SNTG1: variants seen among roughly 807,000 people sequenced by gnomAD.
SNTG1 encodes syntrophin gamma 1.
A neutral mutation model predicts 74.7 loss-of-function variants in SNTG1; 39 were observed. The ratio of observed to expected loss-of-function variants is 0.52; its 90% CI spans 0.40 to 0.68. The LOEUF is 0.68. Among genes scored for constraint, SNTG1 ranks in the 30% least tolerant of loss-of-function variants. The pLI, the probability that SNTG1 is intolerant of heterozygous loss-of-function variation, is 0.00. For synonymous variants in SNTG1, 254 were observed against 217.1 expected (o/e 1.17, Z -1.49); for missense variants, 685 against 609.5 (o/e 1.12, Z -1.30).
chr8:50,650,787 A>G (rs561034106), intron 13 of SNTG1, among the ~76,000 whole-genome samples: 87 of 152,106 alleles, frequency 5.7e-4, no homozygotes, highest in African/African-American at 2.0e-3. Flanking sequence ...TGCAACCTCC[A>G]CCTTCTGGGT....
chr8:50,222,126 A>ATT (rs1341341074), intron 2 of SNTG1, among the ~76,000 whole-genome samples: 1 of 152,182 alleles, frequency 6.6e-6, no homozygotes, highest in East Asian at 1.9e-4. Flanking sequence ...CAGAAAAGAC[A>ATT]TATCAAAAGG....
chr8:50,720,041 A>G (rs1420860918), intron 17 of SNTG1, among the ~76,000 whole-genome samples: 1 of 152,202 alleles, frequency 6.6e-6, no homozygotes, highest in Admixed American at 6.5e-5. Flanking sequence ...AATTTAGTTC[A>G]ATCTTTAATT....
intron 4 of SNTG1, among the ~76,000 whole-genome samples, chr8:50,426,819 C>A (rs527714304): frequency 1.3e-5 from 2 of 151,878 alleles, no homozygotes; most frequent in South Asian, 4.1e-4. Flanking sequence ...AAAAATACAA[C>A]AATAAGAAGT....
intron 1 of SNTG1, among the ~76,000 whole-genome samples, chr8:50,111,473 T>C (rs181838303): frequency 2.6e-5 from 4 of 152,222 alleles, no homozygotes; most frequent in African/African-American, 4.8e-5. Context: ...AAGAAAACCA[T>C]GTGAGGTCAC....
At chr8:49,992,527 T>A (rs1396455495) in intron 1 of SNTG1, among the ~76,000 whole-genome samples, 1 of 152,164 alleles carries the variant, frequency 6.6e-6, no homozygotes, top group East Asian at 1.9e-4. Context: ...TAACTAAACC[T>A]TGGTGGGTAT....
At chr8:50,033,706 C>A (rs527483241) in intron 1 of SNTG1, among the ~76,000 whole-genome samples, 4 of 152,028 alleles carry the variant, frequency 2.6e-5, no homozygotes, top group African/African-American at 9.7e-5. Context: ...CTAGTGTCAT[C>A]TTATTATTGT....
intron 1 of SNTG1, among the ~76,000 whole-genome samples, chr8:49,915,212 A>T (rs1437716447): frequency 3.3e-5 from 5 of 152,198 alleles, no homozygotes; most frequent in Non-Finnish European, 7.4e-5. Context: ...CATACAGCTG[A>T]TACCTGAACA....
intron 13 of SNTG1, among the ~76,000 whole-genome samples, chr8:50,652,561 C>G (rs2131243846): frequency 6.6e-6 from 1 of 152,208 alleles, no homozygotes; most frequent in East Asian, 1.9e-4. Flanking sequence ...CTTTGGGAAG[C>G]AAAGGAGGAT....
At chr8:50,772,139 T>C (rs56371879) in intron 18 of SNTG1, among the ~76,000 whole-genome samples, 3,014 of 152,088 alleles carry the variant, frequency 0.02, 94 homozygotes, top group African/African-American at 0.065. Context: ...TTGAGACCTC[T>C]GAATTATAGA....
chr8:50,446,495 C>T (rs971438020), intron 5 of SNTG1, among the ~76,000 whole-genome samples: 5 of 151,588 alleles, frequency 3.3e-5, no homozygotes, highest in South Asian at 2.1e-4. Flanking sequence ...GCCTGGCCAA[C>T]GTGTTGAAAT....
chr8:50,660,403 A>G (rs2095214665), intron 15 of SNTG1, among the ~76,000 whole-genome samples: 1 of 12,252 alleles, frequency 8.2e-5, no homozygotes, highest in South Asian at 2.6e-3. Flanking sequence ...GAAAAAGAGA[A>G]AGAAAGAAAA....
intron 8 of SNTG1, among the ~76,000 whole-genome samples, chr8:50,485,590 G>T (rs1011424395): frequency 8.0e-5 from 12 of 149,180 alleles, no homozygotes; most frequent in African/African-American, 4.9e-5. Flanking sequence ...AGATGAGTAG[G>T]TTGCAAAAAT....
At chr8:50,350,830 C>T (rs891994847) in intron 2 of SNTG1, among the ~76,000 whole-genome samples, 3 of 152,314 alleles carry the variant, frequency 2.0e-5, no homozygotes, top group Admixed American at 6.5e-5. Flanking sequence ...CCTGTCAAAA[C>T]GGACCAATCA....
rs34546157 is a variant in SNTG1 at position 50,584,512 on chromosome 8, C to CTTT, written c.811-6351_811-6349dup. On this transcript the variant is annotated intron_variant, in intron 12 of 18. Transcript: ENST00000642720. ...GGTTTTGATTTACATTTCTCTGATT[C>CTTT]TTTTTTTTTTTTTTTTTTGACACGG... Among the ~76,000 whole-genome samples the CTTT allele has an allele frequency of 5.1e-3, 643 of 126,756 alleles. 14 individuals carry two copies. The highest frequency in any genetic ancestry group is 0.016 in the African/African-American group (531 of 33,624). 83.2% of individuals were successfully genotyped at this position (126,756 alleles called of 152,430 possible).
intron 15 of SNTG1, among the ~76,000 whole-genome samples, chr8:50,681,868 T>C (rs190794222): frequency 6.6e-6 from 1 of 152,318 alleles, no homozygotes; most frequent in African/African-American, 2.4e-5. Context: ...ATACCTCAAA[T>C]ACAACCAACA....
chr8:50,166,653 A>C (rs1283493563), intron 1 of SNTG1, among the ~76,000 whole-genome samples: 5 of 78,654 alleles, frequency 6.4e-5, no homozygotes, highest in Non-Finnish European at 1.2e-4. Flanking sequence ...GAGAAATAGG[A>C]ACACTTTTAC....
At chr8:50,622,703 A>G (rs1027039674) in intron 13 of SNTG1, among the ~76,000 whole-genome samples, 3 of 152,154 alleles carry the variant, frequency 2.0e-5, no homozygotes, top group Non-Finnish European at 4.4e-5. Context: ...TCATACAGAT[A>G]GTTAATAGTG....
intron 18 of SNTG1, among the ~76,000 whole-genome samples, chr8:50,761,940 C>T (rs965554272): frequency 6.6e-5 from 10 of 151,898 alleles, no homozygotes; most frequent in African/African-American, 2.4e-4. Flanking sequence ...ACTAAAATGC[C>T]TTTCAATAAG....
At chr8:50,243,193 G>A (rs2086242454) in intron 2 of SNTG1, among the ~76,000 whole-genome samples, 1 of 151,930 alleles carries the variant, frequency 6.6e-6, no homozygotes, top group African/African-American at 2.4e-5. Context: ...ATATTTGAAA[G>A]ACCTCTGTGA....
Sources: allele counts gnomAD v4.1 joint callset (sites outside exome capture counted in the v4.1 genomes callset), GRCh38; gene constraint gnomAD v4.1.1; transcripts MANE v1.5; gene names NCBI Gene and HGNC (gene_info 2026-07-23, HGNC 2026-07-21).